Variants in CRACD observed in about 807,000 individuals in gnomAD.
CRACD encodes capping protein inhibiting regulator of actin dynamics.
CRACD carries 56 observed loss-of-function variants against 106.8 expected under a neutral mutation model. The ratio of observed to expected loss-of-function variants is 0.52; its 90% CI spans 0.42 to 0.66. The LOEUF (loss-of-function observed/expected upper bound fraction) is 0.66. Ranked by LOEUF, CRACD falls within the 30% of genes least tolerant of loss-of-function variation. The pLI, the probability that CRACD is intolerant of heterozygous loss-of-function variation, is 0.00. For missense variants in CRACD, 1,730 were observed against 1,623.2 expected (o/e 1.07, Z -1.13); for synonymous variants, 754 against 670.8 (o/e 1.12, Z -1.92).
At chr4:56,069,302 G>A (rs1305157590) in intron 1 of CRACD, among the ~76,000 whole-genome samples, 5 of 152,220 alleles carry the variant, frequency 3.3e-5, no homozygotes, top group Non-Finnish European at 7.3e-5. Flanking sequence ...ATGTTGAAAT[G>A]ACAAGTGAGC....
intron 2 of CRACD, chr4:56,246,516 A>G (rs1453947474): frequency 6.6e-6 from 1 of 152,208 alleles, no homozygotes; most frequent in African/African-American, 2.4e-5. Context: ...ACTATGTCCA[A>G]AGCCAATCTA....
intron 1 of CRACD, among the ~76,000 whole-genome samples, chr4:56,112,955 C>T (rs773012395): frequency 6.7e-6 from 1 of 149,722 alleles, no homozygotes; most frequent in Non-Finnish European, 1.5e-5. Flanking sequence ...AAAATATAAT[C>T]GCTGTAACTA....
intron 3 of CRACD, among the ~76,000 whole-genome samples, chr4:56,285,464 A>G (rs1212652492): frequency 6.6e-6 from 1 of 151,724 alleles, no homozygotes; most frequent in East Asian, 1.9e-4. Context: ...TTAAGAGACA[A>G]TGTCTTGCTC....
chr4:56,200,475 A>G (rs1371489663), intron 2 of CRACD, among the ~76,000 whole-genome samples: 7 of 152,142 alleles, frequency 4.6e-5, no homozygotes, highest in Non-Finnish European at 7.4e-5. Flanking sequence ...TTGCCATAGG[A>G]TATGAGTCAC....
Position 56,203,950 on chromosome 4 carries a change from G to A in CRACD, c.-189+24520G>A, listed in dbSNP as rs190714435. On this transcript the variant is annotated intron_variant, in intron 2 of 10. Transcript: ENST00000682029. ...ACAAAACTGCTGTTTGAGAATGAAA[G>A]AAATGTGTCCTCTGTAGACAGATGC... Among the ~76,000 whole-genome samples the A allele has an allele frequency of 1.6e-3, 240 of 152,332 alleles. 1 individual carries two copies. The highest frequency in any genetic ancestry group is 5.6e-3 in the African/African-American group (234 of 41,576).
intron 3 of CRACD, among the ~76,000 whole-genome samples, chr4:56,281,245 A>C (rs562583291): frequency 6.6e-6 from 1 of 152,088 alleles, no homozygotes; most frequent in South Asian, 2.1e-4. Context: ...CATGAACCCT[A>C]TTGTGAACTG....
chr4:56,211,579 G>A (rs1404945923), intron 2 of CRACD, among the ~76,000 whole-genome samples: 1 of 152,240 alleles, frequency 6.6e-6, no homozygotes, highest in Non-Finnish European at 1.5e-5. Context: ...TATTGAGCAA[G>A]GAAACAGCTC....
chr4:56,294,913 CAAAA>C (rs56200534), intron 3 of CRACD, among the ~76,000 whole-genome samples: 8 of 72,154 alleles, frequency 1.1e-4, no homozygotes, highest in Non-Finnish European at 2.0e-4. Flanking sequence ...GACCTTGTCT[CAAAA>C]AAAAAAAAAA....
At chr4:56,087,127 C>T (rs1733256441) in intron 1 of CRACD, among the ~76,000 whole-genome samples, 1 of 152,080 alleles carries the variant, frequency 6.6e-6, no homozygotes, top group Admixed American at 6.5e-5. Flanking sequence ...CTCTCCCTGC[C>T]TCAGCCTCTG....
At chr4:56,088,132 C>CTTT (rs11305512) in intron 1 of CRACD, among the ~76,000 whole-genome samples, 2 of 131,940 alleles carry the variant, frequency 1.5e-5, no homozygotes, top group Admixed American at 7.5e-5. Flanking sequence ...TAGATTGTTT[C>CTTT]TTTTTTTTTT....
Position 56,315,464 on chromosome 4 carries a change from C to T in CRACD, c.1962C>T (p.Pro654=). 2 of 1,613,090 alleles carry T rather than the reference C, an allele frequency of 1.2e-6. No homozygotes were observed. Among genetic ancestry groups the T allele is most frequent in the East Asian group, 2.2e-5 (1 of 44,846 alleles). The change falls in exon 8 of 11, where the codon CCC becomes CCT. Residue 654 remains proline (P), a synonymous_variant. Coordinates refer to ENST00000682029, the MANE Select transcript of CRACD (RefSeq NM_001393381.1). The surrounding 1 kb of genome is among the most constrained non-coding windows in gnomAD (Gnocchi z 4.1). ...GGGCGGGCAGCGGGAAGGCTAAGCC[C>T]CGCCAGGAGTCTCCCAGCAGCGCGT... ...DARAGSGKAK[P]RQESPSSASA... is the part of the protein sequence containing the mutation.
At chr4:56,182,740 G>A (rs953888501) in intron 2 of CRACD, among the ~76,000 whole-genome samples, 2 of 152,126 alleles carry the variant, frequency 1.3e-5, no homozygotes, top group African/African-American at 2.4e-5. Context: ...TTAGGAAATA[G>A]ATGCTTTTTT....
intron 2 of CRACD, among the ~76,000 whole-genome samples, chr4:56,259,250 A>T (rs746191991): frequency 7.9e-5 from 12 of 152,074 alleles, no homozygotes; most frequent in Non-Finnish European, 1.3e-4. Flanking sequence ...AGCTGGCACC[A>T]TTGTGGGCAG....
intron 1 of CRACD, among the ~76,000 whole-genome samples, chr4:56,086,068 G>A (rs1733209669): frequency 6.6e-6 from 1 of 152,138 alleles, no homozygotes; most frequent in African/African-American, 2.4e-5. Flanking sequence ...GCAAACAGAT[G>A]AGAGGAATGG....
At chr4:56,301,246 T>C in intron 4 of CRACD, 3 of 1,287,400 alleles carry the variant, frequency 2.3e-6, no homozygotes, top group African/African-American at 1.5e-5. Flanking sequence ...AGTATGTTCC[T>C]GGTAAGTCGT....
At chr4:56,220,637 A>G (rs114615026) in intron 2 of CRACD, among the ~76,000 whole-genome samples, 2,560 of 150,224 alleles carry the variant, frequency 0.017, 67 homozygotes, top group African/African-American at 0.058. Context: ...TTTTTTTTGG[A>G]ATTCCATTCT....
At chr4:56,279,594 A>G (rs956102986) in intron 3 of CRACD, among the ~76,000 whole-genome samples, 25 of 152,218 alleles carry the variant, frequency 1.6e-4, no homozygotes, top group Non-Finnish European at 2.9e-4. Context: ...CCACAATGAG[A>G]TACCATCTCA....
intron 1 of CRACD, among the ~76,000 whole-genome samples, chr4:56,064,909 C>T (rs1479225096): frequency 6.6e-6 from 1 of 152,014 alleles, no homozygotes; most frequent in East Asian, 1.9e-4. Context: ...TGGACGGGTC[C>T]CAAATGTCTG....
intron 1 of CRACD, among the ~76,000 whole-genome samples, chr4:56,066,837 A>G (rs1240361566): frequency 1.2e-4 from 18 of 152,196 alleles, no homozygotes; most frequent in Admixed American, 1.2e-3. Context: ...GAAATAATGA[A>G]TGAATGAATG....
Sources: allele counts gnomAD v4.1 joint callset (sites outside exome capture counted in the v4.1 genomes callset), GRCh38; gene constraint gnomAD v4.1.1; non-coding constraint Gnocchi (gnomAD v3.1); transcripts MANE v1.5; gene names NCBI Gene and HGNC (gene_info 2026-07-23, HGNC 2026-07-21).